FARP1: variants seen among roughly 807,000 people sequenced by gnomAD.
The protein encoded by FARP1 is FERM, ARHGEF and pleckstrin domain-containing protein 1.
In FARP1, 52 loss-of-function variants were observed where a neutral mutation model predicts 128.8. The observed-to-expected ratio is 0.40, with a 90% CI of 0.32 to 0.51. The LOEUF is 0.51. Ranked by LOEUF, FARP1 falls within the 20% of genes least tolerant of loss-of-function variation. FARP1 has a pLI of 0.45. For missense variants in FARP1, 1,333 were observed against 1,367.9 expected, an observed-to-expected ratio of 0.97 and a Z score of 0.40; for synonymous variants, 580 against 551.8, an observed-to-expected ratio of 1.05 and a Z score of -0.72.
chr13:98,368,143 G>A lies in FARP1; in HGVS notation c.346G>A (p.Val116Met). The A allele has an allele frequency of 6.2e-7, 1 of 1,613,886 alleles. No individual in the cohort carries two copies. The change falls in exon 5 of 27, where the codon GTG (valine) becomes ATG (methionine). Residue 116 changes from valine (V) to methionine (M), a missense_variant. By Grantham distance (21) the Val-to-Met change is conservative. Coordinates refer to ENST00000319562, the MANE Select transcript of FARP1 (RefSeq NM_005766.4). ...GCCAAAGCACGTTGTTGTTAAGTTT[G>A]TGGTGAAATTCTTTCCGCCTGACCA... ...RRPKHVVVKF[V>M]VKFFPPDHTQ...
chr13:98,231,719 C>T (rs1250448690), intron 2 of FARP1, among the ~76,000 whole-genome samples: 1 of 152,158 alleles, frequency 6.6e-6, no homozygotes, highest in African/African-American at 2.4e-5. Flanking sequence ...TGAGCCACCA[C>T]ACCCGGCCTC....
intron 2 of FARP1, among the ~76,000 whole-genome samples, chr13:98,241,447 G>A (rs1206462575): frequency 1.3e-5 from 2 of 152,144 alleles, no homozygotes; most frequent in Non-Finnish European, 2.9e-5. Context: ...CTGCAGGGTC[G>A]TGTCCTGCAC....
rs2622341 is a variant in FARP1 at position 98,279,695 on chromosome 13, C to G, written c.172-64067C>G. On this transcript the variant is annotated intron_variant, in intron 2 of 26. Coordinates refer to ENST00000319562, the MANE Select transcript of FARP1 (RefSeq NM_005766.4). Reference sequence around the variant, plus strand: ...GGCCCCTGCAGCAGAGTGACAGCTGCCCCAGGGGATGTCAGGGACATCACC... The same window carrying G: ...GGCCCCTGCAGCAGAGTGACAGCTGGCCCAGGGGATGTCAGGGACATCACC... Among the ~76,000 whole-genome samples the G allele has an allele frequency of 5.8e-3, 889 of 152,278 alleles. 13 individuals are homozygous for G. Among genetic ancestry groups the G allele is most frequent in the African/African-American group, 0.02 (842 of 41,550 alleles).
chr13:98,187,249 C>T (rs1055510216), intron 1 of FARP1, among the ~76,000 whole-genome samples: 1 of 152,128 alleles, frequency 6.6e-6, no homozygotes, highest in African/African-American at 2.4e-5. Context: ...GGTAGAATGT[C>T]TTTCTGTGAG....
intron 19 of FARP1, among the ~76,000 whole-genome samples, chr13:98,438,114 T>C (rs1892360060): frequency 6.6e-6 from 1 of 152,204 alleles, no homozygotes; most frequent in South Asian, 2.1e-4. Flanking sequence ...ATCATTTTTT[T>C]GTTTTTAAGT....
intron 2 of FARP1, among the ~76,000 whole-genome samples, chr13:98,237,275 G>T (rs528917679): frequency 1.3e-5 from 2 of 151,568 alleles, no homozygotes; most frequent in East Asian, 3.9e-4. Context: ...TTGTACTCCA[G>T]CCTGGGCAAC....
At chr13:98,342,856 C>T (rs551172683) in intron 2 of FARP1, among the ~76,000 whole-genome samples, 1 of 152,104 alleles carries the variant, frequency 6.6e-6, no homozygotes, top group African/African-American at 2.4e-5. Flanking sequence ...GAAACCCCAT[C>T]TCTACTAAAA....
chr13:98,323,814 A>G, intron 2 of FARP1, among the ~76,000 whole-genome samples: 1 of 152,244 alleles, frequency 6.6e-6, no homozygotes, highest in East Asian at 1.9e-4. Context: ...CAGCCTTTAG[A>G]GGAAAATGTC....
intron 2 of FARP1, among the ~76,000 whole-genome samples, chr13:98,272,083 G>A (rs954130799): frequency 4.0e-5 from 6 of 149,782 alleles, no homozygotes; most frequent in African/African-American, 1.5e-4. Context: ...AGGCTAGAGT[G>A]CAGTGGTGCG....
intron 16 of FARP1, among the ~76,000 whole-genome samples, chr13:98,419,674 T>C (rs977199836): frequency 6.6e-6 from 1 of 152,168 alleles, no homozygotes; most frequent in Non-Finnish European, 1.5e-5. Flanking sequence ...CTTTTTTCCA[T>C]TTAGAATCAT....
At chr13:98,364,374 T>C (rs1266206875) in intron 3 of FARP1, among the ~76,000 whole-genome samples, 1 of 152,178 alleles carries the variant, frequency 6.6e-6, no homozygotes, top group Non-Finnish European at 1.5e-5. Flanking sequence ...CATATCTAGA[T>C]GGAAATTTAA....
intron 2 of FARP1, among the ~76,000 whole-genome samples, chr13:98,317,284 G>A (rs887962919): frequency 9.2e-5 from 14 of 152,128 alleles, no homozygotes; most frequent in Admixed American, 4.6e-4. Context: ...TTTAGAGCTG[G>A]GGTCTTGCGC....
At chr13:98,239,313 A>G (rs1299500012) in intron 2 of FARP1, among the ~76,000 whole-genome samples, 1 of 152,182 alleles carries the variant, frequency 6.6e-6, no homozygotes, top group Non-Finnish European at 1.5e-5. Context: ...ACTGGAGCCC[A>G]CATCCAGGTT....
At chr13:98,434,427 A>T (rs1351770565) in intron 18 of FARP1, 1 of 152,238 alleles carries the variant, frequency 6.6e-6, no homozygotes, top group East Asian at 1.9e-4. Context: ...CCTTGGGGGA[A>T]AAAACAAGAA....
At chr13:98,204,946 T>TAA (rs35462708) in intron 1 of FARP1, among the ~76,000 whole-genome samples, 219 of 150,248 alleles carry the variant, frequency 1.5e-3, no homozygotes, top group Non-Finnish European at 2.1e-3. Context: ...AGACCCTATC[T>TAA]AAAAAAAAAA....
intron 13 of FARP1, chr13:98,396,826 A>G (rs1594487555): frequency 4.9e-6 from 1 of 203,134 alleles, no homozygotes. Flanking sequence ...TTATATTTAT[A>G]TGGCAATTTT....
At chr13:98,295,421 G>A (rs1469415330) in intron 2 of FARP1, among the ~76,000 whole-genome samples, 1 of 152,144 alleles carries the variant, frequency 6.6e-6, no homozygotes, top group African/African-American at 2.4e-5. Flanking sequence ...TTCTTGCTCC[G>A]TGGGGGAATG....
chr13:98,259,756 T>A (rs1386984063), intron 2 of FARP1, among the ~76,000 whole-genome samples: 1 of 152,124 alleles, frequency 6.6e-6, no homozygotes, highest in East Asian at 1.9e-4. Flanking sequence ...GGACAGAGGT[T>A]GTTGGAGTAA....
At chr13:98,156,022 A>G (rs554694600) in intron 1 of FARP1, among the ~76,000 whole-genome samples, 1 of 152,270 alleles carries the variant, frequency 6.6e-6, no homozygotes, top group Non-Finnish European at 1.5e-5. Flanking sequence ...CTACTACTCA[A>G]AAGTTAGGTC....
Sources: gnomAD v4.1 joint callset for allele counts (sites outside exome capture counted in the v4.1 genomes callset) on GRCh38, gnomAD v4.1.1 for gene constraint, MANE v1.5 for transcripts, NCBI Gene and HGNC (gene_info 2026-07-23, HGNC 2026-07-21) for gene names.